The following GALNT13 variants were observed in gnomAD, a reference collection of about 807,000 sequenced individuals.
The protein encoded by GALNT13 is UDP-GalNAc:polypeptide N-acetylgalactosaminyltransferase 13.
GALNT13 carries 28 observed loss-of-function variants against 64.2 expected under a neutral mutation model. The observed-to-expected ratio is 0.44, with a 90% CI of 0.32 to 0.60. GALNT13 has a LOEUF of 0.60. Among genes scored for constraint, GALNT13 ranks in the 20% least tolerant of loss-of-function variants. The pLI is 0.05. For synonymous variants in GALNT13, 214 were observed against 224.6 expected (o/e 0.95, Z 0.42); for missense variants, 577 against 669.8 (o/e 0.86, Z 1.53).
At chr2:154,158,770 T>C (rs760133871) in intron 4 of GALNT13, among the ~76,000 whole-genome samples, 5 of 152,170 alleles carry the variant, frequency 3.3e-5, no homozygotes, top group Non-Finnish European at 5.9e-5. Flanking sequence ...AGGTTGCAAT[T>C]TTTTTGAATT....
At chr2:153,485,966 T>G in the GALNT13 span, among the ~76,000 whole-genome samples, 1 of 152,122 alleles carries the variant, frequency 6.6e-6, no homozygotes, top group Non-Finnish European at 1.5e-5. Flanking sequence ...TCCAAGAGTC[T>G]TTCTCTGTCA....
chr2:153,416,005 T>C, the GALNT13 span, among the ~76,000 whole-genome samples: 1 of 152,206 alleles, frequency 6.6e-6, no homozygotes. Context: ...GAAAGTTGCC[T>C]ATAAATAAAC....
chr2:154,392,794 T>C (rs576387013), intron 9 of GALNT13, among the ~76,000 whole-genome samples: 1 of 152,266 alleles, frequency 6.6e-6, no homozygotes, highest in South Asian at 2.1e-4. Flanking sequence ...CAATAGTGAA[T>C]AAAATATAGG....
the GALNT13 span, among the ~76,000 whole-genome samples, chr2:153,145,031 T>C: frequency 2.0e-5 from 3 of 151,934 alleles, no homozygotes; most frequent in African/African-American, 4.8e-5. Flanking sequence ...AAAACTAATG[T>C]TTACTTTATA....
the GALNT13 span, among the ~76,000 whole-genome samples, chr2:153,603,889 G>A: frequency 1.8e-4 from 28 of 152,060 alleles, 1 homozygote; most frequent in African/African-American, 6.5e-4. Context: ...CTGGCTATAG[G>A]AAAATTCAAA....
chr2:153,772,921 G>A, the GALNT13 span, among the ~76,000 whole-genome samples: 1 of 152,186 alleles, frequency 6.6e-6, no homozygotes, highest in Non-Finnish European at 1.5e-5. Flanking sequence ...GATTTTAGGT[G>A]AGACTGCTCG....
intron 11 of GALNT13, among the ~76,000 whole-genome samples, chr2:154,414,046 TG>T (rs1461098450): frequency 6.6e-6 from 1 of 152,046 alleles, no homozygotes. Flanking sequence ...ATACAATATT[TG>T]TAAATGTTCA....
intron 3 of GALNT13, among the ~76,000 whole-genome samples, chr2:154,043,210 C>T (rs759374213): frequency 2.3e-4 from 35 of 151,738 alleles, no homozygotes; most frequent in Admixed American, 2.0e-3. Context: ...AAATGCTGGA[C>T]ACAGAACTTG....
At chr2:153,119,966 A>G in the GALNT13 span, among the ~76,000 whole-genome samples, 1 of 152,160 alleles carries the variant, frequency 6.6e-6, no homozygotes, top group East Asian at 1.9e-4. Flanking sequence ...ATCATAAATA[A>G]GCTATTTTTC....
intron 11 of GALNT13, among the ~76,000 whole-genome samples, chr2:154,422,273 T>G (rs1400312311): frequency 1.3e-5 from 2 of 152,150 alleles, no homozygotes; most frequent in African/African-American, 4.8e-5. Flanking sequence ...AAAATGACAC[T>G]GTGAATTCAG....
intron 3 of GALNT13, among the ~76,000 whole-genome samples, chr2:154,032,771 C>T (rs756744573): frequency 1.3e-5 from 2 of 150,614 alleles, no homozygotes; most frequent in South Asian, 4.2e-4. Flanking sequence ...AAATAAGACA[C>T]TTATTATAGA....
chr2:153,230,072 C>T, the GALNT13 span, among the ~76,000 whole-genome samples: 1 of 152,148 alleles, frequency 6.6e-6, no homozygotes, highest in East Asian at 1.9e-4. Flanking sequence ...TATGTTGCTC[C>T]TTTCTTTCTA....
At chr2:154,169,847 A>G (rs1685255804) in intron 4 of GALNT13, among the ~76,000 whole-genome samples, 2 of 152,030 alleles carry the variant, frequency 1.3e-5, no homozygotes, top group African/African-American at 4.8e-5. Context: ...CTAAATCCAT[A>G]AAAAGAAATT....
chr2:153,484,782 G>A, the GALNT13 span, among the ~76,000 whole-genome samples: 1 of 152,154 alleles, frequency 6.6e-6, no homozygotes, highest in Admixed American at 6.5e-5. Flanking sequence ...TAGCCTGATT[G>A]AAAACCATTG....
chr2:153,868,473 C>T (rs559957196), upstream of GALNT13, among the ~76,000 whole-genome samples: 3 of 152,222 alleles, frequency 2.0e-5, no homozygotes, highest in Non-Finnish European at 4.4e-5. Flanking sequence ...CTTTCAGTGT[C>T]CCTTAATAAT....
the GALNT13 span, among the ~76,000 whole-genome samples, chr2:153,193,924 T>A: frequency 6.6e-6 from 1 of 151,954 alleles, no homozygotes; most frequent in African/African-American, 2.4e-5. Flanking sequence ...TATTATGCCA[T>A]TTTTTTTCTG....
the GALNT13 span, among the ~76,000 whole-genome samples, chr2:153,311,983 G>A: frequency 2.0e-5 from 3 of 152,088 alleles, no homozygotes; most frequent in African/African-American, 7.2e-5. Context: ...CTCACTTTTT[G>A]TTTTATAAAT....
At chr2:153,166,947 T>G in the GALNT13 span, among the ~76,000 whole-genome samples, 18 of 152,212 alleles carry the variant, frequency 1.2e-4, no homozygotes, top group Non-Finnish European at 2.1e-4. Flanking sequence ...CATGTGAGTT[T>G]GGATAGAAAC....
At chr2:153,872,598 A>G (rs1468613498) in intron 1 of GALNT13, among the ~76,000 whole-genome samples, 1 of 109,238 alleles carries the variant, frequency 9.2e-6, no homozygotes, top group African/African-American at 3.7e-5. Context: ...TTTTCTGGCT[A>G]CCCCGGTGAG....
Sources: allele counts gnomAD v4.1 joint callset (sites outside exome capture counted in the v4.1 genomes callset), GRCh38; gene constraint gnomAD v4.1.1; transcripts MANE v1.5; gene names NCBI Gene and HGNC (gene_info 2026-07-23, HGNC 2026-07-21).